Variants in NME7 observed in about 807,000 individuals in gnomAD.
NME7 encodes NME/NM23 family member 7, also known as nucleoside diphosphate kinase 7.
In NME7, 41 loss-of-function variants were observed where a neutral mutation model predicts 49.1. The observed-to-expected ratio is 0.83, with a 90% CI of 0.65 to 1.08. The LOEUF is 1.08. Among genes scored for constraint, NME7 ranks in the 50% least tolerant of loss-of-function variants. NME7 has a pLI of 0.00. For synonymous variants in NME7, 139 were observed against 150.6 expected, an observed-to-expected ratio of 0.92 and a Z score of 0.56; for missense variants, 423 against 463.4, an observed-to-expected ratio of 0.91 and a Z score of 0.80.
chr1:169,338,834 G>C (rs1652577579), intron 1 of NME7, among the ~76,000 whole-genome samples: 1 of 152,162 alleles, frequency 6.6e-6, no homozygotes, highest in Non-Finnish European at 1.5e-5. Flanking sequence ...TAAGTTAAAT[G>C]ACTTGGCAAA....
chr1:169,250,045 T>C (rs551122382), intron 7 of NME7, among the ~76,000 whole-genome samples: 1 of 152,162 alleles, frequency 6.6e-6, no homozygotes, highest in South Asian at 2.1e-4. Flanking sequence ...TTCAGTAGGA[T>C]TGGTCCCAGT....
intron 7 of NME7, among the ~76,000 whole-genome samples, chr1:169,263,725 C>G (rs1481980961): frequency 1.5e-5 from 2 of 132,772 alleles, no homozygotes; most frequent in African/African-American, 2.5e-5. Flanking sequence ...GCTAGAGAGT[C>G]CAACACTCAA....
intron 8 of NME7, 89 bp from the exon 9 acceptor site, chr1:169,235,288 T>A (rs1647812719): frequency 1.7e-6 from 1 of 595,934 alleles, no homozygotes; most frequent in Admixed American, 3.6e-5. Context: ...ACACTTGTAA[T>A]CTCTTCTTTA....
At chr1:169,191,414 G>T (rs3766066) in intron 10 of NME7, among the ~76,000 whole-genome samples, 54,138 of 151,968 alleles carry the variant, frequency 0.36, 10,423 homozygotes, top group East Asian at 0.73. Flanking sequence ...TTATACTGAG[G>T]ATATGCGTAA....
At chr1:169,257,438 G>A (rs12405185) in intron 7 of NME7, among the ~76,000 whole-genome samples, 15,811 of 133,004 alleles carry the variant, frequency 0.12, 4,395 homozygotes, top group Admixed American at 0.25. Flanking sequence ...AACGGTACGC[G>A]CACCCACTGA....
chr1:169,294,308 A>G (rs7515326), intron 6 of NME7, among the ~76,000 whole-genome samples: 13,325 of 152,218 alleles, frequency 0.088, 871 homozygotes, highest in African/African-American at 0.18. Context: ...TGAAGGAAGA[A>G]AAACCAATTA....
chr1:169,230,638 G>A (rs756185794), intron 10 of NME7, 80 bp downstream of exon 10: 4 of 795,228 alleles, frequency 5.0e-6, no homozygotes, highest in African/African-American at 1.8e-5. Context: ...TTACTTAAAG[G>A]AACAAACGAA....
At chr1:169,283,767 A>C (rs1416940879) in intron 7 of NME7, 1 of 152,156 alleles carries the variant, frequency 6.6e-6, no homozygotes. Context: ...AATGTTGAAT[A>C]TTGGCCCCCA....
intron 1 of NME7, among the ~76,000 whole-genome samples, chr1:169,363,728 G>A (rs560478964): frequency 1.3e-5 from 2 of 152,174 alleles, no homozygotes; most frequent in East Asian, 1.9e-4. Flanking sequence ...TGTTGTTAGC[G>A]TGGCCTGGAC....
chr1:169,145,413 T>C (rs953436450), intron 11 of NME7, among the ~76,000 whole-genome samples: 3 of 152,234 alleles, frequency 2.0e-5, no homozygotes, highest in African/African-American at 7.2e-5. Context: ...CTGTTTCACT[T>C]ACTCTGGTGC....
chr1:169,340,332 C>A (rs1003102413), intron 1 of NME7, among the ~76,000 whole-genome samples: 8 of 152,216 alleles, frequency 5.3e-5, no homozygotes, highest in African/African-American at 1.9e-4. Context: ...AAGATGCCTG[C>A]TTCCCTTTTG....
intron 7 of NME7, among the ~76,000 whole-genome samples, chr1:169,271,861 ACATAAAC>A (rs1258196046): frequency 7.5e-6 from 1 of 133,276 alleles, no homozygotes; most frequent in African/African-American, 2.5e-5. Context: ...AAACAGATAA[ACATAAAC>A]CAGCAAATGA....
chr1:169,321,668 C>T (rs1164335697), intron 3 of NME7, among the ~76,000 whole-genome samples: 1 of 152,100 alleles, frequency 6.6e-6, no homozygotes, highest in Non-Finnish European at 1.5e-5. Flanking sequence ...CATTTGTGTA[C>T]TAACACCCAC....
rs543533605 is a variant in NME7 at position 169,196,549 on chromosome 1, GGTAA to G, written c.991-26999_991-26996del. On this transcript the variant is annotated intron_variant, in intron 10 of 11. Transcript: ENST00000367811. ...GATACATGGTTGAATAAATAAAAGC[GGTAA>G]GTAAGAATTAGTTTTAGAAAAGAAC... is the stretch of plus-strand genomic sequence containing the variant. Among the ~76,000 whole-genome samples the G allele has an allele frequency of 2.0e-3, 309 of 152,192 alleles. 1 individual carries two copies. The highest frequency in any genetic ancestry group is 7.1e-3 in the African/African-American group (293 of 41,520).
chr1:169,185,175 A>G (rs1046613622), intron 10 of NME7, among the ~76,000 whole-genome samples: 5 of 152,182 alleles, frequency 3.3e-5, no homozygotes, highest in Non-Finnish European at 5.9e-5. Context: ...TCCTGACTCA[A>G]ACACCTCTGA....
At chr1:169,275,269 G>C (rs61808903) in intron 7 of NME7, among the ~76,000 whole-genome samples, 14,294 of 129,390 alleles carry the variant, frequency 0.11, 3,688 homozygotes, top group Non-Finnish European at 0.15. Flanking sequence ...CTCTCTGTTT[G>C]TCTGTTATTG....
At chr1:169,320,246 C>T (rs1651802570) in intron 3 of NME7, among the ~76,000 whole-genome samples, 1 of 152,094 alleles carries the variant, frequency 6.6e-6, no homozygotes, top group African/African-American at 2.4e-5. Context: ...TAACCTTTAT[C>T]CATTTGATTA....
In NME7 at chr1:169,132,976, C is replaced by G. The variant is rs1658286409; in HGVS notation, c.1099-159G>C. On this transcript the variant is annotated intron_variant, in intron 11 of 11. Coordinates refer to ENST00000367811, the MANE Select transcript of NME7 (RefSeq NM_013330.5). ...AATCAGAGGCAGAGAATCGATGAAG[C>G]TCCAGTTTGAAGTTCCATTTAAAAA... Among the ~76,000 whole-genome samples, 2 of 152,170 alleles carry G rather than the reference C, an allele frequency of 1.3e-5. 1 individual carries two copies. Among genetic ancestry groups the G allele is most frequent in the South Asian group, 4.1e-4 (2 of 4,834 alleles).
At chr1:169,267,583 T>G (rs1171983642) in intron 7 of NME7, among the ~76,000 whole-genome samples, 1 of 132,784 alleles carries the variant, frequency 7.5e-6, no homozygotes, top group Non-Finnish European at 1.8e-5. Flanking sequence ...CACAGACCAA[T>G]GGAGCAGGAT....
Sources: allele counts gnomAD v4.1 joint callset (sites outside exome capture counted in the v4.1 genomes callset), GRCh38; gene constraint gnomAD v4.1.1; transcripts MANE v1.5; gene names NCBI Gene and HGNC (gene_info 2026-07-23, HGNC 2026-07-21).